The following CAMTA1 variants were observed in gnomAD, a reference collection of about 807,000 sequenced individuals.
CAMTA1 encodes calmodulin binding transcription activator 1.
A neutral mutation model predicts 170.9 loss-of-function variants in CAMTA1; 27 were observed. The ratio of observed to expected loss-of-function variants is 0.16; its 90% confidence interval spans 0.12 to 0.22. The LOEUF is 0.22. Among genes scored for constraint, CAMTA1 ranks in the 10% least tolerant of loss-of-function variants. The pLI is 1.00. For missense variants in CAMTA1, 1,619 were observed against 2,217.2 expected, an observed-to-expected ratio of 0.73 and a Z score of 5.42; for synonymous variants, 833 against 891.5, an observed-to-expected ratio of 0.93 and a Z score of 1.17.
chr1:7,328,588 T>C (rs562267391), intron 5 of CAMTA1, among the ~76,000 whole-genome samples: 1 of 152,194 alleles, frequency 6.6e-6, no homozygotes, highest in Admixed American at 6.5e-5. Context: ...GTCAGATCAT[T>C]TGTATTGTAC....
At chr1:7,492,670 C>CACACAAT (rs1553180509) in intron 6 of CAMTA1, among the ~76,000 whole-genome samples, 1 of 140,856 alleles carries the variant, frequency 7.1e-6, no homozygotes, top group Non-Finnish European at 1.5e-5. Flanking sequence ...AACATACGAA[C>CACACAAT]ACACACACAC....
intron 4 of CAMTA1, among the ~76,000 whole-genome samples, chr1:7,244,968 A>G (rs972493486): frequency 4.6e-5 from 7 of 151,990 alleles, no homozygotes; most frequent in Admixed American, 3.9e-4. Flanking sequence ...TAATGATCAT[A>G]ACTCTACCTA....
At position 6,887,419 on chromosome 1, in the gene CAMTA1, T is replaced by C. The variant is rs1000948349; in HGVS notation, c.234+62209T>C. On this transcript the variant is annotated intron_variant, in intron 3 of 22. Coordinates refer to ENST00000303635, the MANE Select transcript of CAMTA1 (RefSeq NM_015215.4). The surrounding 1 kb of genome is among the most constrained non-coding windows in gnomAD (Gnocchi z 4.1). The stretch of plus-strand genomic sequence containing the variant: ...TATGAGACCCAGTTTTGGATTATCA[T>C]AGGCGAAGAAGTCAGACATATATGG... Among the ~76,000 whole-genome samples, 1 of 152,200 alleles carries C rather than the reference T, an allele frequency of 6.6e-6. No individual in the cohort carries two copies. The highest frequency in any genetic ancestry group is 2.4e-5 in the African/African-American group (1 of 41,442).
intron 3 of CAMTA1, among the ~76,000 whole-genome samples, chr1:6,963,152 G>C (rs1357124230): frequency 6.6e-6 from 1 of 150,444 alleles, no homozygotes; most frequent in Non-Finnish European, 1.5e-5. Flanking sequence ...TTTTGACCCA[G>C]CTCCTTGGCA....
At chr1:7,165,227 A>G (rs1573584731) in intron 4 of CAMTA1, among the ~76,000 whole-genome samples, 1 of 152,360 alleles carries the variant, frequency 6.6e-6, no homozygotes, top group South Asian at 2.1e-4. Flanking sequence ...TAATTACTTC[A>G]TAAGATGATA....
intron 3 of CAMTA1, among the ~76,000 whole-genome samples, chr1:7,062,562 A>G (rs989382266): frequency 2.6e-5 from 4 of 152,076 alleles, no homozygotes; most frequent in Non-Finnish European, 4.4e-5. Flanking sequence ...GGACAGGCAC[A>G]GGCTCCACCG....
chr1:7,025,779 T>G (rs1701938054), intron 3 of CAMTA1, among the ~76,000 whole-genome samples: 1 of 152,074 alleles, frequency 6.6e-6, no homozygotes. Context: ...TGAGAAGGCT[T>G]CCGGGAGAAG....
intron 11 of CAMTA1, among the ~76,000 whole-genome samples, chr1:7,686,422 G>T (rs923245749): frequency 1.3e-5 from 2 of 151,946 alleles, no homozygotes; most frequent in Non-Finnish European, 2.9e-5. Context: ...AATATTCCAG[G>T]ACAGGGAATC....
At position 7,063,385 on chromosome 1, in the gene CAMTA1, G is replaced by C. The variant is rs904086282; in HGVS notation, c.235-27919G>C. Among the ~76,000 whole-genome samples the C allele has an allele frequency of 1.3e-5, 2 of 152,290 alleles. No individual in the cohort carries two copies. Among genetic ancestry groups the C allele is most frequent in the Admixed American group, 6.5e-5 (1 of 15,296 alleles). The stretch of plus-strand genomic sequence containing the variant: ...GCGCTTTGCTTACCCGTTTGACCAC[G>C]ACACCACCGCACCTCCCTGCCCTTT... On this transcript the variant is annotated intron_variant, in intron 3 of 22. Transcript: ENST00000303635. The surrounding 1 kb of genome is among the most constrained non-coding windows in gnomAD (Gnocchi z 4.3).
intron 3 of CAMTA1, among the ~76,000 whole-genome samples, chr1:6,880,058 G>A (rs937632798): frequency 6.6e-6 from 1 of 151,544 alleles, no homozygotes; most frequent in African/African-American, 2.4e-5. Context: ...TCTTTCTCTA[G>A]TAGGGTTTTT....
chr1:7,639,124 G>T (rs1009583217), intron 6 of CAMTA1, among the ~76,000 whole-genome samples: 2 of 151,882 alleles, frequency 1.3e-5, no homozygotes, highest in African/African-American at 2.4e-5. Flanking sequence ...GACTACAGGC[G>T]CCCGCCACCA....
At chr1:7,181,283 T>C (rs1372586150) in intron 4 of CAMTA1, among the ~76,000 whole-genome samples, 2 of 152,212 alleles carry the variant, frequency 1.3e-5, no homozygotes, top group Admixed American at 1.3e-4. Flanking sequence ...GTCAGGATGC[T>C]TGTTGATGGG....
chr1:6,921,317 TC>T (rs1681961291), intron 3 of CAMTA1, among the ~76,000 whole-genome samples: 1 of 152,202 alleles, frequency 6.6e-6, no homozygotes, highest in Non-Finnish European at 1.5e-5. Flanking sequence ...TTATTCCAAT[TC>T]CCAACAAGTT....
rs2095695416 is a variant in CAMTA1, at chr1:7,634,477, G to A, written c.511-5923G>A. ...AGGGGTGCCGTCAACAGGCAGGTAG[G>A]CAAGAGAGGAGAGGTAGGCTGGAGA... On this transcript the variant is annotated intron_variant, in intron 6 of 22. Coordinates refer to ENST00000303635, the MANE Select transcript of CAMTA1 (RefSeq NM_015215.4). This position sits in a 1 kb window ranked among gnomAD's most constrained non-coding sequence, Gnocchi z 6.2. 6.6e-6 allele frequency among the ~76,000 whole-genome samples: 1 copy of A among 152,088 alleles called. No homozygotes were observed. The highest frequency in any genetic ancestry group is 6.5e-5 in the Admixed American group (1 of 15,274).
intron 3 of CAMTA1, among the ~76,000 whole-genome samples, chr1:7,019,612 G>A (rs1465032564): frequency 6.6e-6 from 1 of 152,224 alleles, no homozygotes; most frequent in Non-Finnish European, 1.5e-5. Context: ...AGAATCGTTA[G>A]AGGACAGGAG....
In CAMTA1 at chr1:7,010,752, C is replaced by T. The variant is rs1699661240; in HGVS notation, c.235-80552C>T. Reference sequence around the variant, plus strand: ...CCCAGCCCCAGCCTTCCTTTGTGCCCGTTTCTGAGTAGTAAGATTTCTTAC... The same window carrying T: ...CCCAGCCCCAGCCTTCCTTTGTGCCTGTTTCTGAGTAGTAAGATTTCTTAC... On this transcript the variant is annotated intron_variant, in intron 3 of 22. Coordinates refer to ENST00000303635, the MANE Select transcript of CAMTA1 (RefSeq NM_015215.4). The surrounding 1 kb of genome is among the most constrained non-coding windows in gnomAD (Gnocchi z 4.4). Among the ~76,000 whole-genome samples, 2 of 152,162 alleles carry T rather than the reference C, an allele frequency of 1.3e-5. No individual in the cohort carries two copies. The highest frequency in any genetic ancestry group is 2.1e-4 in the South Asian group (1 of 4,828).
intron 3 of CAMTA1, among the ~76,000 whole-genome samples, chr1:6,909,295 A>G (rs1050398936): frequency 2.0e-5 from 3 of 152,280 alleles, no homozygotes; most frequent in African/African-American, 7.2e-5. Context: ...ATATTTGGAT[A>G]CAGTATGTCT....
intron 6 of CAMTA1, among the ~76,000 whole-genome samples, chr1:7,571,340 A>G (rs2095123097): frequency 6.6e-6 from 1 of 151,968 alleles, no homozygotes; most frequent in Admixed American, 6.6e-5. Flanking sequence ...TACACTTTTT[A>G]TGGTTTATTT....
intron 3 of CAMTA1, among the ~76,000 whole-genome samples, chr1:6,861,203 G>A (rs1340095472): frequency 6.6e-6 from 1 of 152,040 alleles, no homozygotes; most frequent in African/African-American, 2.4e-5. Context: ...CGATCCGCCC[G>A]CCTTGGCCTC....
Sources: allele counts gnomAD v4.1 joint callset (sites outside exome capture counted in the v4.1 genomes callset), GRCh38; gene constraint gnomAD v4.1.1; non-coding constraint Gnocchi (gnomAD v3.1); transcripts MANE v1.5; gene names NCBI Gene and HGNC (gene_info 2026-07-23, HGNC 2026-07-21).